TRAK1: variants seen among roughly 807,000 people sequenced by gnomAD.
TRAK1 encodes the protein trafficking kinesin protein 1, also known as trafficking kinesin-binding protein 1.
Under a neutral mutation model 92.1 loss-of-function variants are expected in TRAK1, and 33 were observed. That is an observed-to-expected ratio of 0.36 (90% CI 0.27 to 0.48). The LOEUF (loss-of-function observed/expected upper bound fraction) is 0.48. Among genes scored for constraint, TRAK1 ranks in the 20% least tolerant of loss-of-function variants. The pLI is 0.99. For missense variants in TRAK1, 1,123 were observed against 1,257.9 expected (o/e 0.89, Z 1.62); for synonymous variants, 521 against 517.3 (o/e 1.01, Z -0.10).
At chr3:42,034,007 G>T (rs1258432558) in intron 1 of TRAK1, among the ~76,000 whole-genome samples, 2 of 152,162 alleles carry the variant, frequency 1.3e-5, no homozygotes, top group East Asian at 3.8e-4. Context: ...TCATAGCCTG[G>T]ACTGTGTCAT....
intron 1 of TRAK1, among the ~76,000 whole-genome samples, chr3:42,047,200 C>CT (rs561224807): frequency 0.029 from 3,152 of 107,044 alleles, 73 homozygotes; most frequent in East Asian, 0.08. Context: ...AAAAACTGAT[C>CT]TTTTTTTTTT....
intron 1 of TRAK1, among the ~76,000 whole-genome samples, chr3:42,105,091 A>G (rs1453894678): frequency 6.6e-6 from 1 of 151,794 alleles, no homozygotes; most frequent in Non-Finnish European, 1.5e-5. Context: ...AGCTGGGATT[A>G]CAGGCATGTG....
At chr3:42,208,925 TAACTC>T (rs1240944690) in intron 13 of TRAK1, among the ~76,000 whole-genome samples, 3 of 152,198 alleles carry the variant, frequency 2.0e-5, no homozygotes, top group South Asian at 2.1e-4. Flanking sequence ...TAAAAACACT[TAACTC>T]AAGTTTCCTG....
chr3:42,198,794 G>A (rs574632991), intron 10 of TRAK1, among the ~76,000 whole-genome samples: 2 of 152,142 alleles, frequency 1.3e-5, no homozygotes, highest in Admixed American at 1.3e-4. Flanking sequence ...AAGCTCAGAG[G>A]TATTTGGAAA....
At chr3:42,088,667 C>T (rs1704817085), upstream of TRAK1, among the ~76,000 whole-genome samples, 1 of 152,224 alleles carries the variant, frequency 6.6e-6, no homozygotes, top group Admixed American at 6.5e-5. Context: ...ACACTGACAG[C>T]CTGGTTCAGT....
At chr3:42,061,118 G>T (rs1164020419) in intron 1 of TRAK1, among the ~76,000 whole-genome samples, 1 of 152,022 alleles carries the variant, frequency 6.6e-6, no homozygotes, top group African/African-American at 2.4e-5. Flanking sequence ...TCTTTGTTAT[G>T]GTATAATTTT....
intron 8 of TRAK1, among the ~76,000 whole-genome samples, chr3:42,193,436 A>G (rs553535216): frequency 1.4e-3 from 210 of 152,352 alleles, no homozygotes; most frequent in East Asian, 5.8e-4. Context: ...CATTAAAAAG[A>G]TGTTGTAAAT....
intron 1 of TRAK1, among the ~76,000 whole-genome samples, chr3:42,047,917 CTTTTCTTTTTTT>C (rs1702821622): frequency 8.7e-6 from 1 of 115,274 alleles, no homozygotes; most frequent in African/African-American, 3.7e-5. Context: ...CCCATAGTTT[CTTTTCTTTTTTT>C]TTTTTTTTTT....
chr3:42,106,406 A>G (rs1400202555), intron 1 of TRAK1, among the ~76,000 whole-genome samples: 2 of 152,232 alleles, frequency 1.3e-5, no homozygotes, highest in Non-Finnish European at 2.9e-5. Context: ...CTTTAAACCA[A>G]AAAAGATCAA....
At chr3:42,143,854 A>G (rs540072420) in intron 2 of TRAK1, among the ~76,000 whole-genome samples, 1 of 152,326 alleles carries the variant, frequency 6.6e-6, no homozygotes, top group East Asian at 1.9e-4. Context: ...GAAACTCTTC[A>G]CAGAGCTATG....
intron 1 of TRAK1, among the ~76,000 whole-genome samples, chr3:42,080,639 C>T (rs181886667): frequency 2.0e-5 from 3 of 152,228 alleles, no homozygotes; most frequent in Admixed American, 2.0e-4. Context: ...TTCCTGAGCC[C>T]CTGTGAAACC....
At chr3:42,109,643 T>G (rs1416079132) in intron 1 of TRAK1, among the ~76,000 whole-genome samples, 1 of 152,192 alleles carries the variant, frequency 6.6e-6, no homozygotes, top group East Asian at 1.9e-4. Context: ...TTGTGTGTGT[T>G]CATGCACACG....
At chr3:42,167,043 G>A (rs899905044) in intron 2 of TRAK1, among the ~76,000 whole-genome samples, 3 of 152,216 alleles carry the variant, frequency 2.0e-5, no homozygotes, top group South Asian at 2.1e-4. Flanking sequence ...ATTAAGTGGC[G>A]TAGTCCTAGG....
At chr3:42,131,394 CTGTCAACCCTGA>C (rs1314750154) in intron 2 of TRAK1, among the ~76,000 whole-genome samples, 1 of 152,130 alleles carries the variant, frequency 6.6e-6, no homozygotes, top group African/African-American at 2.4e-5. Context: ...AAATCAGTGG[CTGTCAACCCTGA>C]TGCACCTAGA....
At chr3:42,111,779 A>G (rs1708436774) in intron 1 of TRAK1, among the ~76,000 whole-genome samples, 1 of 152,136 alleles carries the variant, frequency 6.6e-6, no homozygotes, top group Non-Finnish European at 1.5e-5. Context: ...AAATTACACG[A>G]AGATCATTCT....
At chr3:42,217,592 A>G in intron 14 of TRAK1, 20 of 985,324 alleles carry the variant, frequency 2.0e-5, no homozygotes, top group Non-Finnish European at 2.4e-5. Context: ...TTGATTTGAT[A>G]TTCTGGCCAT....
chr3:42,062,710 G>A (rs537479956), intron 1 of TRAK1, among the ~76,000 whole-genome samples: 10 of 152,280 alleles, frequency 6.6e-5, no homozygotes, highest in South Asian at 4.2e-4. Flanking sequence ...ACAAGGATAG[G>A]TCTTTAACAA....
At chr3:42,162,597 G>T (rs1387533411) in intron 2 of TRAK1, among the ~76,000 whole-genome samples, 1 of 152,174 alleles carries the variant, frequency 6.6e-6, no homozygotes, top group African/African-American at 2.4e-5. Flanking sequence ...ATTCTGTTTG[G>T]TGCACAGCGA....
chr3:42,084,198 G>A (rs1405424943), upstream of TRAK1, among the ~76,000 whole-genome samples: 1 of 151,966 alleles, frequency 6.6e-6, no homozygotes, highest in Non-Finnish European at 1.5e-5. Context: ...TCTCATCAGT[G>A]TGCCTTTTTA....
Sources: gnomAD v4.1 joint callset for allele counts (sites outside exome capture counted in the v4.1 genomes callset) on GRCh38, gnomAD v4.1.1 for gene constraint, MANE v1.5 for transcripts, NCBI Gene and HGNC (gene_info 2026-07-23, HGNC 2026-07-21) for gene names.